ZNF728: variants seen among roughly 807,000 people sequenced by gnomAD.
ZNF728 encodes the protein zinc finger protein 728.
Under a neutral mutation model 12.5 loss-of-function variants are expected in ZNF728, and 12 were observed. The ratio of observed to expected loss-of-function variants is 0.96; its 90% CI spans 0.61 to 1.55. The LOEUF is 1.55. Among genes scored for constraint, ZNF728 ranks in the 40% most tolerant of loss-of-function variants. ZNF728 has a pLI of 0.00. For missense variants in ZNF728, 692 were observed against 719.2 expected (o/e 0.96, Z 0.43); for synonymous variants, 205 against 240.7 (o/e 0.85, Z 1.37).
At chr19:22,984,730 G>T (rs2145339378) in intron 3 of ZNF728, among the ~76,000 whole-genome samples, 1 of 151,972 alleles carries the variant, frequency 6.6e-6, no homozygotes, top group African/African-American at 2.4e-5. Flanking sequence ...CAAATTTAAT[G>T]AAATGTTTTT....
chr19:23,002,373 G>T (rs1969122387), intron 1 of ZNF728, among the ~76,000 whole-genome samples: 2 of 152,246 alleles, frequency 1.3e-5, no homozygotes, highest in African/African-American at 4.8e-5. Flanking sequence ...AAAAATTCAG[G>T]CTTAACAAAC....
intron 1 of ZNF728, among the ~76,000 whole-genome samples, chr19:22,998,469 G>C (rs1231603665): frequency 6.6e-6 from 1 of 152,134 alleles, no homozygotes; most frequent in Non-Finnish European, 1.5e-5. Flanking sequence ...GAGGTTGAGA[G>C]TCAGCACAGA....
At chr19:22,977,189 A>G in intron 3 of ZNF728, 79 bp from the exon 4 acceptor site, 1 of 1,314,506 alleles carries the variant, frequency 7.6e-7, no homozygotes, top group Non-Finnish European at 1.0e-6. Flanking sequence ...AAAATTATTC[A>G]AACTACATAA....
intron 1 of ZNF728, among the ~76,000 whole-genome samples, chr19:22,989,861 T>C (rs1396757573): frequency 6.6e-6 from 1 of 152,180 alleles, no homozygotes; most frequent in East Asian, 1.9e-4. Context: ...AATCCTGTAC[T>C]GCATAGACAT....
At chr19:23,001,870 C>A (rs1366854058) in intron 1 of ZNF728, among the ~76,000 whole-genome samples, 1 of 151,942 alleles carries the variant, frequency 6.6e-6, no homozygotes, top group Non-Finnish European at 1.5e-5. Context: ...AGAGTCAGGC[C>A]GGAGAAATAG....
intron 2 of ZNF728, 141 bp downstream of exon 2, chr19:22,988,184 C>T: frequency 6.9e-7 from 1 of 1,453,148 alleles, no homozygotes; most frequent in Non-Finnish European, 9.3e-7. Context: ...AAGCAAAGAG[C>T]CCCCTGGTGC....
At chr19:22,994,711 T>G (rs1969030491) in intron 1 of ZNF728, among the ~76,000 whole-genome samples, 1 of 152,252 alleles carries the variant, frequency 6.6e-6, no homozygotes, top group Admixed American at 6.5e-5. Flanking sequence ...CCCCGGTGCC[T>G]GCTGAAGGTA....
intron 1 of ZNF728, among the ~76,000 whole-genome samples, chr19:22,988,655 A>G (rs113914856): frequency 6.6e-6 from 1 of 152,260 alleles, no homozygotes; most frequent in Non-Finnish European, 1.5e-5. Context: ...TATAAGATCC[A>G]TAACATCAGT....
chr19:22,984,482 C>T (rs1968892505), intron 3 of ZNF728, among the ~76,000 whole-genome samples: 2 of 150,704 alleles, frequency 1.3e-5, no homozygotes, highest in East Asian at 3.9e-4. Context: ...TCGCTTGAAC[C>T]CGGGAGGCAG....
chr19:22,983,913 G>T (rs908007811), intron 3 of ZNF728, among the ~76,000 whole-genome samples: 6 of 152,062 alleles, frequency 3.9e-5, no homozygotes, highest in African/African-American at 1.4e-4. Flanking sequence ...TAGATAACGG[G>T]TTGATGGGTA....
At chr19:22,980,621 A>G (rs190905436) in intron 3 of ZNF728, among the ~76,000 whole-genome samples, 1 of 152,286 alleles carries the variant, frequency 6.6e-6, no homozygotes, top group Non-Finnish European at 1.5e-5. Context: ...AACTGACCAC[A>G]TAATTGGAAG....
chr19:22,983,200 A>G (rs1968878759), intron 3 of ZNF728, among the ~76,000 whole-genome samples: 1 of 152,158 alleles, frequency 6.6e-6, no homozygotes, highest in South Asian at 2.1e-4. Context: ...TGGGCAAAGG[A>G]TATGAACAGA....
intron 1 of ZNF728, among the ~76,000 whole-genome samples, chr19:22,993,083 T>C (rs1456239548): frequency 1.3e-5 from 2 of 152,222 alleles, no homozygotes; most frequent in African/African-American, 2.4e-5. Flanking sequence ...TCTGGATACT[T>C]TGTGGCCTTA....
At chr19:22,989,472 A>C (rs1968959633) in intron 1 of ZNF728, among the ~76,000 whole-genome samples, 1 of 152,214 alleles carries the variant, frequency 6.6e-6, no homozygotes, top group Non-Finnish European at 1.5e-5. Flanking sequence ...TGTTCACATC[A>C]GCTGCATAAA....
In ZNF728 at chr19:22,975,796, C is replaced by T. The variant is rs1236603093; in HGVS notation, c.1541G>A (p.Gly514Asp). 1 of 1,612,376 alleles carries T rather than the reference C, an allele frequency of 6.2e-7. No individual in the cohort carries two copies. The highest frequency in any genetic ancestry group is 8.5e-7 in the Non-Finnish European group (1 of 1,179,916). ...GEKPYKCEEC[G>D]KAFSKVANLT... Reference sequence around the variant, plus strand: ...GTTTGCAACCTTACTGAAGGCTTTGCCACATTCTTCACATTTGTAGGGTTT... The same window carrying T: ...GTTTGCAACCTTACTGAAGGCTTTGTCACATTCTTCACATTTGTAGGGTTT... Residue 514 changes from glycine (G) to aspartate (D), a missense_variant, in exon 4 of 4, where the codon GGC becomes GAC. Coordinates refer to ENST00000594710, the MANE Select transcript of ZNF728 (RefSeq NM_001267716.2).
intron 3 of ZNF728, among the ~76,000 whole-genome samples, chr19:22,986,799 A>AG (rs1191028433): frequency 2.0e-5 from 3 of 152,152 alleles, no homozygotes; most frequent in Admixed American, 1.3e-4. Context: ...TTGAGGAAAA[A>AG]GAAAAAAGCA....
intron 1 of ZNF728, among the ~76,000 whole-genome samples, chr19:22,989,051 CAAAAAAAAAAAAAAAAA>C: frequency 2.0e-5 from 1 of 50,190 alleles, no homozygotes; most frequent in South Asian, 1.0e-3. Flanking sequence ...AACTCCATCT[CAAAAAAAAAAAAAAAAA>C]AAAAAAAAGA....
At chr19:22,994,236 C>T (rs1481178162) in intron 1 of ZNF728, among the ~76,000 whole-genome samples, 3 of 152,124 alleles carry the variant, frequency 2.0e-5, no homozygotes, top group African/African-American at 4.8e-5. Flanking sequence ...TAGGCAGACG[C>T]ACAATTCCAC....
intron 1 of ZNF728, among the ~76,000 whole-genome samples, chr19:22,999,145 T>C (rs1188323876): frequency 1.3e-5 from 2 of 152,182 alleles, no homozygotes; most frequent in Non-Finnish European, 2.9e-5. Context: ...CCCTCACCTT[T>C]TTTCTAATCT....
Sources: allele counts gnomAD v4.1 joint callset (sites outside exome capture counted in the v4.1 genomes callset), GRCh38; gene constraint gnomAD v4.1.1; transcripts MANE v1.5; gene names NCBI Gene and HGNC (gene_info 2026-07-23, HGNC 2026-07-21).